Variants in ANO10 observed in about 807,000 individuals in gnomAD.
ANO10 encodes anoctamin-10.
ANO10 carries 77 observed loss-of-function variants against 74.7 expected under a neutral mutation model. The ratio of observed to expected loss-of-function variants is 1.03; its 90% CI spans 0.86 to 1.25. ANO10 has a LOEUF of 1.25. Among genes scored for constraint, ANO10 ranks in the 50% most tolerant of loss-of-function variants. The pLI, the probability that ANO10 is intolerant of heterozygous loss-of-function variation, is 0.00. For missense variants in ANO10, 721 were observed against 778.1 expected, an observed-to-expected ratio of 0.93 and a Z score of 0.87; for synonymous variants, 279 against 284.9, an observed-to-expected ratio of 0.98 and a Z score of 0.21.
chr3:43,485,043 G>C, intron 11 of ANO10: 1 of 1,401,738 alleles, frequency 7.1e-7, no homozygotes. Flanking sequence ...CGGTGGGGCA[G>C]CAGGAACTTG....
At chr3:43,658,682 C>A (rs1030568942) in intron 1 of ANO10, among the ~76,000 whole-genome samples, 1 of 152,108 alleles carries the variant, frequency 6.6e-6, no homozygotes, top group Non-Finnish European at 1.5e-5. Flanking sequence ...GTTGGCCAGG[C>A]TTGTCTTGAA....
rs2091423123 is a variant in ANO10, at chr3:43,366,746, C to G, written c.*160G>C. 3 of 740,142 alleles carry G rather than the reference C, an allele frequency of 4.1e-6. No individual in the cohort carries two copies. The East Asian group carries it at 8.1e-5, about 20-fold the overall frequency. The allele number at this position is 740,142 out of a possible 1,614,324, so 45.8% of individuals were successfully genotyped here. ...GATCCCGAGCCAAGCCACTGCGAAA[C>G]TGAGAAGGGTGCTTGCCACATGGGA... is the stretch of plus-strand genomic sequence containing the variant. On this transcript the variant is annotated 3_prime_UTR_variant, in exon 13 of 13. Transcript: ENST00000292246.
At chr3:43,435,014 G>T (rs539123886) in intron 11 of ANO10, among the ~76,000 whole-genome samples, 194 of 152,188 alleles carry the variant, frequency 1.3e-3, no homozygotes, top group African/African-American at 4.6e-3. Flanking sequence ...ACTCTTTAAT[G>T]GACATGAATT....
At chr3:43,388,000 G>A (rs920001504) in intron 12 of ANO10, among the ~76,000 whole-genome samples, 7 of 152,134 alleles carry the variant, frequency 4.6e-5, no homozygotes, top group Non-Finnish European at 8.8e-5. Flanking sequence ...TTTCTTAGAG[G>A]AATAGGTTAT....
chr3:43,371,970 C>G (rs2091627698), intron 12 of ANO10, among the ~76,000 whole-genome samples: 1 of 152,176 alleles, frequency 6.6e-6, no homozygotes, highest in Non-Finnish European at 1.5e-5. Flanking sequence ...CTCTAAACAG[C>G]CACGACAGCA....
At chr3:43,540,433 T>C (rs1180842150) in intron 11 of ANO10, among the ~76,000 whole-genome samples, 1 of 152,256 alleles carries the variant, frequency 6.6e-6, no homozygotes, top group Non-Finnish European at 1.5e-5. Context: ...CATATTCTGA[T>C]GATTTTTCCC....
rs372867320 is a variant in ANO10 at position 43,428,796 on chromosome 3, C to A, written c.1914+3815G>T. 5.0e-3 allele frequency among the ~76,000 whole-genome samples: 277 copies of A among 55,390 alleles called. 1 individual carries two copies. The highest frequency in any genetic ancestry group is 6.3e-3 in the African/African-American group (93 of 14,804). 36.3% of individuals were successfully genotyped at this position (55,390 alleles called of 152,430 possible). On this transcript the variant is annotated intron_variant, in intron 12 of 12. Transcript: ENST00000292246. Reference sequence around the variant, plus strand: ...CCAAAATCCTGAAACTTTGTGAATGCAAAAAAAAAAAAAAAAAAAAAAGTC... The same window carrying A: ...CCAAAATCCTGAAACTTTGTGAATGAAAAAAAAAAAAAAAAAAAAAAAGTC...
intron 11 of ANO10, among the ~76,000 whole-genome samples, chr3:43,450,306 C>T (rs1575851609): frequency 1.3e-5 from 2 of 151,932 alleles, no homozygotes; most frequent in South Asian, 2.1e-4. Context: ...TTTGGGAGGG[C>T]GAGGTGGGCA....
chr3:43,554,759 GAGA>G (rs1464728427), intron 10 of ANO10, among the ~76,000 whole-genome samples: 1 of 152,156 alleles, frequency 6.6e-6, no homozygotes, highest in Non-Finnish European at 1.5e-5. Flanking sequence ...CCTTCAGGGA[GAGA>G]AGGACAGGTG....
At chr3:43,455,150 A>C (rs1277162899) in intron 11 of ANO10, among the ~76,000 whole-genome samples, 1 of 152,030 alleles carries the variant, frequency 6.6e-6, no homozygotes, top group African/African-American at 2.4e-5. Flanking sequence ...CCATTTTCTC[A>C]GTGAGGTAGG....
At chr3:43,549,699 T>G in intron 11 of ANO10, 21 bp downstream of exon 11, 1 of 1,613,584 alleles carries the variant, frequency 6.2e-7, no homozygotes, top group Non-Finnish European at 8.5e-7. Context: ...CTGCTTAAAA[T>G]AAGTTTAAAT....
intron 1 of ANO10, among the ~76,000 whole-genome samples, chr3:43,682,305 T>C (rs2084212618): frequency 6.6e-6 from 1 of 152,184 alleles, no homozygotes; most frequent in Non-Finnish European, 1.5e-5. Flanking sequence ...TAAACACCCG[T>C]ATGCAAATAA....
At chr3:43,605,360 G>A (rs2082512172) in intron 2 of ANO10, among the ~76,000 whole-genome samples, 1 of 152,048 alleles carries the variant, frequency 6.6e-6, no homozygotes, top group Admixed American at 6.6e-5. Flanking sequence ...CACCATAACT[G>A]GCACATAAAG....
intron 12 of ANO10, among the ~76,000 whole-genome samples, chr3:43,417,298 G>A (rs2092754522): frequency 6.6e-6 from 1 of 152,180 alleles, no homozygotes; most frequent in South Asian, 2.1e-4. Flanking sequence ...TGTGTAGTAA[G>A]AAGGAGACAA....
At chr3:43,578,138 G>T (rs2081098885) in intron 5 of ANO10, among the ~76,000 whole-genome samples, 1 of 152,180 alleles carries the variant, frequency 6.6e-6, no homozygotes, top group African/African-American at 2.4e-5. Flanking sequence ...ACAAAAATGA[G>T]TTAGAATGAA....
chr3:43,448,870 TTTC>T (rs749489405), intron 11 of ANO10, among the ~76,000 whole-genome samples: 5,355 of 86,448 alleles, frequency 0.062, 119 homozygotes, highest in Non-Finnish European at 0.1. Context: ...TCTTTCTTTC[TTTC>T]TTTTTTTTTT....
chr3:43,515,173 A>G (rs971988201), intron 11 of ANO10, among the ~76,000 whole-genome samples: 3 of 152,228 alleles, frequency 2.0e-5, no homozygotes, highest in Non-Finnish European at 4.4e-5. Flanking sequence ...AACTTGACTG[A>G]GCCATGGGTG....
chr3:43,462,754 G>T (rs2149031150), intron 11 of ANO10, among the ~76,000 whole-genome samples: 1 of 152,330 alleles, frequency 6.6e-6, no homozygotes, highest in African/African-American at 2.4e-5. Flanking sequence ...AGGCCAGGAG[G>T]CCTAGGAGGA....
intron 12 of ANO10, among the ~76,000 whole-genome samples, chr3:43,400,259 T>C (rs973355697): frequency 5.3e-5 from 8 of 150,010 alleles, no homozygotes; most frequent in African/African-American, 2.0e-4. Flanking sequence ...TCCTACTAGA[T>C]GGTAATAAGT....
Sources: allele counts gnomAD v4.1 joint callset (sites outside exome capture counted in the v4.1 genomes callset), GRCh38; gene constraint gnomAD v4.1.1; transcripts MANE v1.5; gene names NCBI Gene and HGNC (gene_info 2026-07-23, HGNC 2026-07-21).